EBF4: variants seen among roughly 807,000 people sequenced by gnomAD.
EBF4 encodes the protein transcription factor COE4.
A neutral mutation model predicts 67.1 loss-of-function variants in EBF4; 34 were observed. That is an observed-to-expected ratio of 0.51 (90% CI 0.39 to 0.67). The LOEUF (loss-of-function observed/expected upper bound fraction) is 0.67. EBF4 is among the 30% of genes least tolerant of loss of function. The probability of loss-of-function intolerance (pLI) is 0.00; values close to 1 mark genes in which losing one functional copy is unlikely to be tolerated. For synonymous variants in EBF4, 387 were observed against 377.7 expected (o/e 1.02, Z -0.29); for missense variants, 837 against 873.3 (o/e 0.96, Z 0.52).
intron 1 of EBF4, among the ~76,000 whole-genome samples, chr20:2,697,401 CG>C (rs1312552556): frequency 1.3e-5 from 2 of 149,794 alleles, no homozygotes; most frequent in African/African-American, 4.9e-5. Context: ...AAAAATTAGC[CG>C]GGCGTGGTGG....
intron 6 of EBF4, among the ~76,000 whole-genome samples, chr20:2,733,902 C>T (rs897771522): frequency 6.6e-6 from 1 of 151,504 alleles, no homozygotes. Context: ...GCTGCATGTG[C>T]CCCGTGGGTC....
At chr20:2,733,997 T>C (rs2087847513) in intron 6 of EBF4, among the ~76,000 whole-genome samples, 1 of 152,194 alleles carries the variant, frequency 6.6e-6, no homozygotes, top group Non-Finnish European at 1.5e-5. Context: ...TTTTTAAAAA[T>C]ATAATTTGAA....
At chr20:2,698,815 G>C (rs540213796) in intron 1 of EBF4, among the ~76,000 whole-genome samples, 1 of 152,138 alleles carries the variant, frequency 6.6e-6, no homozygotes, top group African/African-American at 2.4e-5. Flanking sequence ...GGCAAGGCAC[G>C]GCTCAAAACC....
At chr20:2,733,069 C>CA (rs1358640637) in intron 6 of EBF4, among the ~76,000 whole-genome samples, 15 of 152,176 alleles carry the variant, frequency 9.9e-5, no homozygotes, top group African/African-American at 3.4e-4. Context: ...TCTTGTAGGA[C>CA]AAACCTGTTA....
chr20:2,728,918 G>A (rs2087778322), intron 6 of EBF4, among the ~76,000 whole-genome samples: 1 of 151,816 alleles, frequency 6.6e-6, no homozygotes, highest in African/African-American at 2.4e-5. Flanking sequence ...CACTAGAATG[G>A]TTAATTTCCA....
At chr20:2,720,728 C>T (rs933907601) in intron 6 of EBF4, among the ~76,000 whole-genome samples, 2 of 152,114 alleles carry the variant, frequency 1.3e-5, no homozygotes, top group African/African-American at 4.8e-5. Flanking sequence ...ATCTATTTAT[C>T]CATGTAGTTA....
rs548913798 is a variant in EBF4 at position 2,710,936 on chromosome 20, G to A, written c.557+1294G>A. 4.9e-4 allele frequency among the ~76,000 whole-genome samples: 74 copies of A among 152,116 alleles called. 1 individual carries two copies. Among genetic ancestry groups the A allele is most frequent in the Non-Finnish European group, 2.4e-4 (16 of 68,028 alleles). ...GCAGGGGGATTGCTTGAGCCCATGA[G>A]TTTGAGACCAGCCTGGCCAACAGGG... On this transcript the variant is annotated intron_variant, in intron 6 of 16. Coordinates refer to ENST00000609451, the Ensembl canonical transcript of EBF4.
chr20:2,736,891 T>G (rs1259102307), intron 6 of EBF4, among the ~76,000 whole-genome samples: 2 of 152,168 alleles, frequency 1.3e-5, no homozygotes, highest in Admixed American at 1.3e-4. Flanking sequence ...GAAGCCAAGC[T>G]TAGGGCCAGA....
At chr20:2,717,863 T>G (rs913252637) in intron 6 of EBF4, among the ~76,000 whole-genome samples, 86 of 150,998 alleles carry the variant, frequency 5.7e-4, no homozygotes, top group African/African-American at 2.0e-3. Context: ...CAGGCTGGAG[T>G]GCAGTGGCAT....
chr20:2,759,081 T>A, intron 16 of EBF4, 97 bp downstream of exon 16: 1 of 1,182,582 alleles, frequency 8.5e-7, no homozygotes, highest in Non-Finnish European at 1.2e-6. Flanking sequence ...GCCTCCCCGC[T>A]AGCAGCCCCA....
chr20:2,735,118 G>A (rs549233122), intron 6 of EBF4, among the ~76,000 whole-genome samples: 2 of 152,294 alleles, frequency 1.3e-5, no homozygotes, highest in African/African-American at 4.8e-5. Flanking sequence ...GCCGCTGGCT[G>A]TTTTCAACAA....
intron 6 of EBF4, among the ~76,000 whole-genome samples, chr20:2,740,039 G>A (rs557939089): frequency 3.9e-5 from 6 of 152,372 alleles, no homozygotes; most frequent in Non-Finnish European, 5.9e-5. Flanking sequence ...ATGGCTGGGC[G>A]CAGTGGCCCA....
At chr20:2,744,929 A>T (rs1380736852) in intron 6 of EBF4, among the ~76,000 whole-genome samples, 4 of 152,236 alleles carry the variant, frequency 2.6e-5, no homozygotes, top group African/African-American at 7.2e-5. Flanking sequence ...AAGATTACTG[A>T]TGAATTATTT....
Position 2,751,675 on chromosome 20 carries a change from C to T in EBF4, c.1019-25C>T. 1 of 1,549,352 alleles carries T rather than the reference C, an allele frequency of 6.5e-7. No individual in the cohort carries two copies. Among genetic ancestry groups the T allele is most frequent in the Non-Finnish European group, 8.7e-7 (1 of 1,145,848 alleles). On this transcript the variant is annotated intron_variant, in intron 10 of 16. Coordinates refer to ENST00000609451, the Ensembl canonical transcript of EBF4. The surrounding 1 kb of genome is among the most constrained non-coding windows in gnomAD (Gnocchi z 5.2). ...AGTGGGGGGCTGCGGGGGAGACGTCCTCCAAACGCCGCCCCCTTCCCCAGC... is the reference window on the plus strand; with the variant it reads ...AGTGGGGGGCTGCGGGGGAGACGTCTTCCAAACGCCGCCCCCTTCCCCAGC...
chr20:2,709,768 G>A, intron 6 of EBF4, 126 bp downstream of exon 6: 12 of 1,006,586 alleles, frequency 1.2e-5, no homozygotes, highest in Non-Finnish European at 1.6e-5. Context: ...CAGGTTGGGT[G>A]GCTCTGAGCA....
At chr20:2,752,033 C>T in intron 12 of EBF4, 46 bp downstream of exon 12, 2 of 1,501,988 alleles carry the variant, frequency 1.3e-6, no homozygotes, top group Non-Finnish European at 1.8e-6. Context: ...CGGGGCCCCC[C>T]AGCACGCGGC....
At position 2,756,109 on chromosome 20, in the gene EBF4, AC is replaced by A. The variant is rs2088239484; in HGVS notation, c.1738+289del. On this transcript the variant is annotated intron_variant, in intron 15 of 16. Transcript: ENST00000609451. This position sits in a 1 kb window ranked among gnomAD's most constrained non-coding sequence, Gnocchi z 4.5. Reference sequence around the variant, plus strand: ...TCACAGTTGATGAGGTCTAGAAACTACCCCAACACTCCATCCCCATCCAGCT... The same window carrying A: ...TCACAGTTGATGAGGTCTAGAAACTACCCAACACTCCATCCCCATCCAGCT... Among the ~76,000 whole-genome samples, 1 of 152,018 alleles carries A rather than the reference AC, an allele frequency of 6.6e-6. No homozygotes were observed.
In EBF4 at chr20:2,693,885, A is replaced by C; in HGVS notation, c.137+103A>C. 1 of 1,234,952 alleles carries C rather than the reference A, an allele frequency of 8.1e-7. No individual in the cohort carries two copies. Among genetic ancestry groups the C allele is most frequent in the Non-Finnish European group, 1.0e-6 (1 of 984,884 alleles). The allele number at this position is 1,234,952 out of a possible 1,614,324, so 76.5% of individuals were successfully genotyped here. A position where few individuals can be genotyped will look rare whatever the true frequency, so the allele number is the denominator to read the frequency against. The stretch of plus-strand genomic sequence containing the variant: ...GGAGCCAGGGGCGGAAGGAGCCCTA[A>C]CTCTGGACGGTCCCGGCGAGCTCCC... On this transcript the variant is annotated intron_variant, in intron 1 of 16. Coordinates refer to ENST00000609451, the Ensembl canonical transcript of EBF4. The surrounding 1 kb of genome is among the most constrained non-coding windows in gnomAD (Gnocchi z 4.6).
At chr20:2,746,390 G>A (rs2088050981) in intron 6 of EBF4, among the ~76,000 whole-genome samples, 1 of 152,072 alleles carries the variant, frequency 6.6e-6, no homozygotes, top group Non-Finnish European at 1.5e-5. Flanking sequence ...TACACTGTAG[G>A]GGTGCACCAT....
Sources: gnomAD v4.1 joint callset for allele counts (sites outside exome capture counted in the v4.1 genomes callset) on GRCh38, gnomAD v4.1.1 for gene constraint, Gnocchi (gnomAD v3.1) non-coding constraint, MANE v1.5 for transcripts, NCBI Gene and HGNC (gene_info 2026-07-23, HGNC 2026-07-21) for gene names.